Variants in PIWIL4 observed in about 807,000 individuals in gnomAD.
PIWIL4 encodes piwi like RNA-mediated gene silencing 4, also known as piwi-like protein 4.
A neutral mutation model predicts 100.9 loss-of-function variants in PIWIL4; 50 were observed. That is an observed-to-expected ratio of 0.50 (90% CI 0.39 to 0.63). PIWIL4 has a LOEUF of 0.63. Ranked by LOEUF, PIWIL4 falls within the 20% of genes least tolerant of loss-of-function variation. PIWIL4 has a pLI of 0.00. For missense variants in PIWIL4, 887 were observed against 1,043.3 expected, an observed-to-expected ratio of 0.85 and a Z score of 2.06; for synonymous variants, 342 against 367.5, an observed-to-expected ratio of 0.93 and a Z score of 0.79.
intron 4 of PIWIL4, among the ~76,000 whole-genome samples, chr11:94,581,824 G>C (rs1431115491): frequency 6.6e-6 from 1 of 152,196 alleles, no homozygotes; most frequent in East Asian, 1.9e-4. Flanking sequence ...GTTAGACTCA[G>C]TATCAGAAAG....
chr11:94,569,439 CG>C (rs1565267469), intron 2 of PIWIL4, among the ~76,000 whole-genome samples: 2 of 151,760 alleles, frequency 1.3e-5, no homozygotes, highest in African/African-American at 2.4e-5. Context: ...AGTGCAATGG[CG>C]CAATCTCAGC....
At chr11:94,609,848 A>C (rs1203293731) in intron 15 of PIWIL4, among the ~76,000 whole-genome samples, 2 of 152,126 alleles carry the variant, frequency 1.3e-5, no homozygotes, top group African/African-American at 4.8e-5. Flanking sequence ...TAACTAACAT[A>C]TCCATTACCT....
At chr11:94,619,214 C>T (rs1468091614) in intron 17 of PIWIL4, among the ~76,000 whole-genome samples, 2 of 152,142 alleles carry the variant, frequency 1.3e-5, no homozygotes, top group African/African-American at 4.8e-5. Context: ...ATTAGGATTT[C>T]GCCTTGGCTT....
rs767285805 is a variant in PIWIL4, at chr11:94,607,611, G to C, written c.1811G>C (p.Gly604Ala). 1 of 1,614,134 alleles carries C rather than the reference G, an allele frequency of 6.2e-7. No individual in the cohort carries two copies. Among genetic ancestry groups the C allele is most frequent in the African/African-American group, 1.3e-5 (1 of 75,040 alleles). ...KIAMQMTCKLGGELWAVEIPL... is the reference protein window; with the variant it reads ...KIAMQMTCKLAGELWAVEIPL... ...GCTATGCAGATGACTTGCAAGCTCG[G>C]AGGCGAGCTGTGGGCTGTGGAAATA... Residue 604 changes from glycine to alanine, a missense_variant, in exon 14 of 20, where the codon GGA becomes GCA. By Grantham distance (60) the Gly-to-Ala change is moderately conservative (BLOSUM62 0). Transcript: ENST00000299001.
chr11:94,585,414 T>C, intron 5 of PIWIL4, 31 bp from the exon 6 acceptor site: 2 of 1,521,200 alleles, frequency 1.3e-6, no homozygotes, highest in Non-Finnish European at 9.1e-7. Context: ...TGACTGATAT[T>C]TACCAAAAAT....
At chr11:94,603,454 C>T (rs914291427) in intron 12 of PIWIL4, among the ~76,000 whole-genome samples, 1 of 152,172 alleles carries the variant, frequency 6.6e-6, no homozygotes, top group Non-Finnish European at 1.5e-5. Flanking sequence ...TACTTGTGCG[C>T]TGATTAAGGC....
chr11:94,611,811 G>A (rs965549912), intron 15 of PIWIL4, among the ~76,000 whole-genome samples: 2 of 152,088 alleles, frequency 1.3e-5, no homozygotes, highest in South Asian at 2.1e-4. Flanking sequence ...TGAGGCCCTC[G>A]CCAGAAGCAG....
At chr11:94,593,822 C>G (rs931970655) in intron 9 of PIWIL4, among the ~76,000 whole-genome samples, 181 bp downstream of exon 9, 4 of 152,086 alleles carry the variant, frequency 2.6e-5, no homozygotes, top group Admixed American at 2.0e-4. Flanking sequence ...TTCCCTTTAT[C>G]TCATATATTC....
In PIWIL4 at chr11:94,616,469, TTTTA is replaced by T. The variant is rs1291976455; in HGVS notation, c.1944-20_1944-17del. On this transcript the variant is annotated intron_variant, in intron 15 of 19. Coordinates refer to ENST00000299001, the MANE Select transcript of PIWIL4 (RefSeq NM_152431.3). ...TAGAAAAATTGAAGTTGAATTTTAC[TTTTA>T]TTTTTTTTTTTAACTTTAGGTGGTT... 1.3e-6 allele frequency: 2 copies of T among 1,559,546 alleles called. No individual in the cohort carries two copies. The highest frequency in any genetic ancestry group is 8.7e-7 in the Non-Finnish European group (1 of 1,146,704).
intron 13 of PIWIL4, among the ~76,000 whole-genome samples, chr11:94,606,777 T>C (rs1948724781): frequency 6.7e-6 from 1 of 149,744 alleles, no homozygotes; most frequent in African/African-American, 2.5e-5. Flanking sequence ...GAGGTTGCAG[T>C]GAGCCAAGAT....
At chr11:94,607,672 A>T (rs561774) in intron 14 of PIWIL4, 33 bp downstream of exon 14, 68,429 of 1,560,668 alleles carry the variant, frequency 0.044, 1,859 homozygotes, top group Middle Eastern at 0.089. Flanking sequence ...TCTATTAGTA[A>T]TTAATAAATT....
rs750485275 is a variant in PIWIL4 at position 94,608,698 on chromosome 11, A to T, written c.1943+12A>T. The T allele has an allele frequency of 3.1e-6, 5 of 1,598,956 alleles. No homozygotes were observed. Among genetic ancestry groups the T allele is most frequent in the Middle Eastern group, 3.3e-4 (2 of 6,050 alleles). On this transcript the variant is annotated intron_variant, in intron 15 of 19. Coordinates refer to ENST00000299001, the MANE Select transcript of PIWIL4 (RefSeq NM_152431.3). ...CCCAGAATCACCAGGTACTGCTAAA[A>T]CTACCTGAACACATGCTTCATTTAG...
chr11:94,567,775 A>G (rs1948095981), intron 1 of PIWIL4, 170 bp downstream of exon 1: 1 of 1,250,254 alleles, frequency 8.0e-7, no homozygotes, highest in Non-Finnish European at 1.0e-6. Context: ...TTCTCCTTCT[A>G]GGGATCTTGT....
intron 2 of PIWIL4, among the ~76,000 whole-genome samples, chr11:94,574,170 C>T (rs1007816872): frequency 2.0e-5 from 3 of 152,184 alleles, no homozygotes; most frequent in African/African-American, 4.8e-5. Flanking sequence ...ATTTTAATTT[C>T]ATGTTTTCTA....
intron 11 of PIWIL4, among the ~76,000 whole-genome samples, chr11:94,601,345 T>C (rs1007637917): frequency 2.1e-5 from 3 of 145,310 alleles, no homozygotes; most frequent in African/African-American, 7.3e-5. Context: ...TTAACTGTTC[T>C]GTAGGGTGTG....
chr11:94,616,428 TAATG>T, intron 15 of PIWIL4, 61 bp from the exon 16 acceptor site: 1 of 1,288,146 alleles, frequency 7.8e-7, no homozygotes, highest in Non-Finnish European at 1.1e-6. Context: ...AATTTAATAT[TAATG>T]AATATTTATG....
At chr11:94,569,183 C>CTT (rs1206149643) in intron 2 of PIWIL4, among the ~76,000 whole-genome samples, 3 of 152,134 alleles carry the variant, frequency 2.0e-5, no homozygotes, top group Non-Finnish European at 2.9e-5. Context: ...TTTATCTGCA[C>CTT]TTGTACGTTT....
intron 13 of PIWIL4, among the ~76,000 whole-genome samples, chr11:94,605,212 C>T (rs1948699326): frequency 6.6e-6 from 1 of 152,174 alleles, no homozygotes. Flanking sequence ...CAATTGTCAC[C>T]TCTGTAGGAA....
Position 94,621,008 on chromosome 11 carries a change from G to C in PIWIL4, c.*16G>C. 4 of 1,535,014 alleles carry C rather than the reference G, an allele frequency of 2.6e-6. No homozygotes were observed. The highest frequency in any genetic ancestry group is 3.6e-6 in the Non-Finnish European group (4 of 1,108,446). ...CTACCTGTGATGGCATGAACTACTG[G>C]CATCACTAGATGGACAATCCAAGAA... On this transcript the variant is annotated 3_prime_UTR_variant, in exon 20 of 20. Transcript: ENST00000299001.
Sources: gnomAD v4.1 joint callset for allele counts (sites outside exome capture counted in the v4.1 genomes callset) on GRCh38, gnomAD v4.1.1 for gene constraint, MANE v1.5 for transcripts, NCBI Gene and HGNC (gene_info 2026-07-23, HGNC 2026-07-21) for gene names.